The following OXTR variants were observed in gnomAD, a reference collection of about 807,000 sequenced individuals.
The protein encoded by OXTR is oxytocin receptor.
OXTR carries 19 observed loss-of-function variants against 23.9 expected under a neutral mutation model. The observed-to-expected ratio is 0.80, with a 90% CI of 0.56 to 1.17. The LOEUF is 1.17. Among genes scored for constraint, OXTR ranks in the 50% most tolerant of loss-of-function variants. The pLI is 0.00. For missense variants in OXTR, 500 were observed against 550.7 expected, an observed-to-expected ratio of 0.91 and a Z score of 0.92; for synonymous variants, 278 against 250.5, an observed-to-expected ratio of 1.11 and a Z score of -1.04.
chr3:8,756,248 A>C (rs529208469), intron 3 of OXTR, among the ~76,000 whole-genome samples: 25 of 152,334 alleles, frequency 1.6e-4, no homozygotes, highest in African/African-American at 5.8e-4. Flanking sequence ...CTTCCATGTG[A>C]GGATGTGACA....
At chr3:8,762,207 C>T (rs530234811) in intron 3 of OXTR, among the ~76,000 whole-genome samples, 281 of 152,276 alleles carry the variant, frequency 1.8e-3, no homozygotes, top group Non-Finnish European at 3.2e-3. Context: ...CCCCTCTTCC[C>T]CTCCTCACCC....
Position 8,768,858 on chromosome 3 carries a change from T to G in OXTR, c.-238-267A>C, listed in dbSNP as rs1708702098. The stretch of plus-strand genomic sequence containing the variant: ...CGTCTAACCCCCTTTTCTAAGACGG[T>G]CGGCCGTCACTCCCTGAACTTCCAC... On this transcript the variant is annotated intron_variant, in intron 1 of 3. Coordinates refer to ENST00000316793, the MANE Select transcript of OXTR (RefSeq NM_000916.4). This position sits in a 1 kb window ranked among gnomAD's most constrained non-coding sequence, Gnocchi z 5.4. 6.6e-6 allele frequency among the ~76,000 whole-genome samples: 1 copy of G among 152,062 alleles called. No individual in the cohort carries two copies. Among genetic ancestry groups the G allele is most frequent in the Admixed American group, 6.5e-5 (1 of 15,268 alleles).
Position 8,767,710 on chromosome 3 carries a change from T to G in OXTR, c.478A>C (p.Thr160Pro). 6.2e-7 allele frequency: 1 copy of G among 1,609,640 alleles called. No individual in the cohort carries two copies. The highest frequency in any genetic ancestry group is 8.5e-7 in the Non-Finnish European group (1 of 1,178,090). The change falls in exon 3 of 4, where the codon ACG (threonine) becomes CCG (proline). Residue 160 changes from threonine (T) to proline (P), a missense_variant. Coordinates refer to ENST00000316793, the MANE Select transcript of OXTR (RefSeq NM_000916.4). ...RRTDRLAVLA[T>P]WLGCLVASAP... ...CTGGCCACCAGGCAGCCGAGCCACG[T>G]GGCGAGCACTGCCAGGCGGTCGGTG...
At chr3:8,758,928 T>C (rs895888075) in intron 3 of OXTR, among the ~76,000 whole-genome samples, 24 of 152,292 alleles carry the variant, frequency 1.6e-4, no homozygotes, top group East Asian at 7.7e-4. Context: ...ACAGTGAGTG[T>C]TGGTAAAAGG....
At chr3:8,744,310 G>A in the OXTR span, among the ~76,000 whole-genome samples, 4 of 135,612 alleles carry the variant, frequency 2.9e-5, no homozygotes, top group Non-Finnish European at 6.1e-5. Context: ...ATGGAGTCTC[G>A]CTCTGTCACC....
intron 1 of OXTR, among the ~76,000 whole-genome samples, 175 bp downstream of exon 1, chr3:8,769,056 C>T (rs1372186224): frequency 1.3e-5 from 2 of 152,218 alleles, no homozygotes; most frequent in South Asian, 2.1e-4. Flanking sequence ...GCGCTTTGGA[C>T]CCAGATAATC....
downstream of OXTR, among the ~76,000 whole-genome samples, chr3:8,748,046 A>C (rs1319068710): frequency 6.6e-6 from 1 of 152,242 alleles, no homozygotes; most frequent in East Asian, 1.9e-4. Flanking sequence ...AGAAAATCAC[A>C]TTGGGGTTAT....
chr3:8,758,314 G>A (rs1024685108), intron 3 of OXTR, among the ~76,000 whole-genome samples: 11 of 152,174 alleles, frequency 7.2e-5, no homozygotes, highest in African/African-American at 2.4e-4. Flanking sequence ...GCTGGCCACC[G>A]CCTCTCCGGG....
At chr3:8,747,077 C>T (rs906337243), downstream of OXTR, among the ~76,000 whole-genome samples, 4 of 151,566 alleles carry the variant, frequency 2.6e-5, no homozygotes, top group East Asian at 1.9e-4. Flanking sequence ...TTTCATGCAA[C>T]GCCCATTTAA....
At chr3:8,745,528 G>C (rs753959620), downstream of OXTR, 10 of 1,613,794 alleles carry the variant, frequency 6.2e-6, no homozygotes, top group Admixed American at 1.7e-4. The surrounding 1 kb of genome is among the most constrained non-coding windows in gnomAD (Gnocchi z 4.8). Context: ...CCCTGCAGGT[G>C]GATTTTGAAG....
downstream of OXTR, chr3:8,746,467 T>C (rs940590968): frequency 6.6e-6 from 1 of 152,550 alleles, no homozygotes; most frequent in Non-Finnish European, 1.5e-5. Context: ...CCGTACACGT[T>C]CCTTGGAAGA....
intron 3 of OXTR, among the ~76,000 whole-genome samples, chr3:8,755,493 T>C (rs1708352577): frequency 6.6e-6 from 1 of 152,248 alleles, no homozygotes; most frequent in South Asian, 2.1e-4. Flanking sequence ...TTTTTTATCC[T>C]ATTTTTTAAA....
chr3:8,764,704 G>A (rs1304533538), intron 3 of OXTR, among the ~76,000 whole-genome samples: 1 of 152,190 alleles, frequency 6.6e-6, no homozygotes, highest in Admixed American at 6.5e-5. Context: ...ATGTGGCCAG[G>A]CTGGTGGTGG....
In OXTR at chr3:8,753,103, G is replaced by A. The variant is rs148034099; in HGVS notation, c.1044C>T (p.Ser348=). ...HELVQRFLCC[S]ASYLKGRRLG... ...GGCGTCTGCCCTTCAGGTAGCTGGCGGAGCAGCACAGGAAGCGCTGCACGA... is the reference window on the plus strand; with the variant it reads ...GGCGTCTGCCCTTCAGGTAGCTGGCAGAGCAGCACAGGAAGCGCTGCACGA... Residue 348 remains serine, a synonymous_variant, in exon 4 of 4, where the codon TCC becomes TCT. Transcript: ENST00000316793. 367 of 1,614,040 alleles carry A rather than the reference G, an allele frequency of 2.3e-4. 1 individual carries two copies. The highest frequency in any genetic ancestry group is 2.9e-4 in the Non-Finnish European group (342 of 1,180,034).
At position 8,768,017 on chromosome 3, in the gene OXTR, G is replaced by A. The variant is rs2228485; in HGVS notation, c.171C>T (p.Asn57=). 0.75 allele frequency: 1,200,576 copies of A among 1,605,674 alleles called. 450,697 individuals are homozygous for A. The highest frequency in any genetic ancestry group is 0.82 in the South Asian group (73,967 of 89,850). Residue 57 remains asparagine (N), a synonymous_variant, in exon 3 of 4, where the codon AAC becomes AAT. Transcript: ENST00000316793. The surrounding 1 kb of genome is among the most constrained non-coding windows in gnomAD (Gnocchi z 5.4). ...TGCGCAGCGCCAGCAGCACACACGC[G>A]TTCCCGCTCAGCGCCAGGAGCAGGA... ...CLILLLALSG[N]ACVLLALRTT...
chr3:8,746,444 T>C (rs1282936914), downstream of OXTR: 1 of 153,220 alleles, frequency 6.5e-6, no homozygotes, highest in Non-Finnish European at 1.5e-5. Flanking sequence ...TCGGATTCTA[T>C]TGTTTGCTGG....
intron 3 of OXTR, among the ~76,000 whole-genome samples, chr3:8,757,437 AAAAAAAC>A (rs1708395239): frequency 6.6e-6 from 1 of 151,764 alleles, no homozygotes; most frequent in African/African-American, 2.4e-5. Flanking sequence ...AAAGTTAAAA[AAAAAAAC>A]AAAAAACAAA....
rs1708704246 is a variant in OXTR, at chr3:8,768,988, C to A, written c.-239+243G>T. ...CTGTTCCCAGACCCTGGCATAGACA[C>A]CTCCCGCGGGGCTCCTCCCCAGCCC... On this transcript the variant is annotated intron_variant, in intron 1 of 3. Coordinates refer to ENST00000316793, the MANE Select transcript of OXTR (RefSeq NM_000916.4). This position sits in a 1 kb window ranked among gnomAD's most constrained non-coding sequence, Gnocchi z 5.4. Among the ~76,000 whole-genome samples, 1 of 152,226 alleles carries A rather than the reference C, an allele frequency of 6.6e-6. No individual in the cohort carries two copies. Among genetic ancestry groups the A allele is most frequent in the South Asian group, 2.1e-4 (1 of 4,834 alleles).
chr3:8,765,776 T>C (rs964225614), intron 3 of OXTR, among the ~76,000 whole-genome samples: 10 of 152,184 alleles, frequency 6.6e-5, no homozygotes, highest in Non-Finnish European at 1.3e-4. Flanking sequence ...CTGTGTGACC[T>C]GGTGCAAGTG....
Sources: allele counts gnomAD v4.1 joint callset (sites outside exome capture counted in the v4.1 genomes callset), GRCh38; gene constraint gnomAD v4.1.1; non-coding constraint Gnocchi (gnomAD v3.1); transcripts MANE v1.5; gene names NCBI Gene and HGNC (gene_info 2026-07-23, HGNC 2026-07-21).